NRG1: variants seen among roughly 807,000 people sequenced by gnomAD.
NRG1 encodes pro-neuregulin-1, membrane-bound isoform.
In NRG1, 18 loss-of-function variants were observed where a neutral mutation model predicts 63.8. The observed-to-expected ratio is 0.28, with a 90% CI of 0.19 to 0.42. NRG1 has a LOEUF of 0.42. Ranked by LOEUF, NRG1 falls within the 10% of genes least tolerant of loss-of-function variation. NRG1 has a pLI of 1.00. For synonymous variants in NRG1, 302 were observed against 301.3 expected, an observed-to-expected ratio of 1.00 and a Z score of -0.02; for missense variants, 762 against 814.7, an observed-to-expected ratio of 0.94 and a Z score of 0.79.
chr8:32,096,304 AC>A (rs1829896341), intron 1 of NRG1, among the ~76,000 whole-genome samples: 1 of 152,324 alleles, frequency 6.6e-6, no homozygotes, highest in South Asian at 2.1e-4. Flanking sequence ...TTTCGTTGAT[AC>A]ATAATAACTA....
chr8:32,439,506 T>A (rs967778033), intron 1 of NRG1, among the ~76,000 whole-genome samples: 1 of 152,140 alleles, frequency 6.6e-6, no homozygotes, highest in Admixed American at 6.6e-5. Flanking sequence ...AACTTGTATG[T>A]CCCTTCACAA....
At chr8:32,182,680 T>C (rs917873892) in intron 1 of NRG1, among the ~76,000 whole-genome samples, 2 of 152,174 alleles carry the variant, frequency 1.3e-5, no homozygotes, top group African/African-American at 2.4e-5. Flanking sequence ...TATTTTGTCT[T>C]GGGAAAAGGC....
intron 1 of NRG1, among the ~76,000 whole-genome samples, chr8:31,966,106 T>TAA (rs202002962): frequency 1.0e-3 from 151 of 144,170 alleles, no homozygotes; most frequent in Non-Finnish European, 1.7e-3. Flanking sequence ...TCCCTGAAAC[T>TAA]AAAAAAAAAA....
rs530576259 is a variant in NRG1, at chr8:32,760,623, G to A, written c.1259+217G>A. 6.6e-6 allele frequency: 9 copies of A among 1,357,348 alleles called. No homozygotes were observed. The East Asian group carries it at 2.4e-4, about 36-fold the overall frequency. The allele number at this position is 1,357,348 out of a possible 1,614,324, so 84.1% of individuals were successfully genotyped here. ...TCGTCCCAGTGACTGACAGGCAACAGACTCTTAAAGAGCTGGGATGCTTTG... is the reference window on the plus strand; with the variant it reads ...TCGTCCCAGTGACTGACAGGCAACAAACTCTTAAAGAGCTGGGATGCTTTG... On this transcript the variant is annotated intron_variant, in intron 11 of 11. Transcript: ENST00000356819.
intron 1 of NRG1, among the ~76,000 whole-genome samples, chr8:32,298,714 C>CAAAAAA (rs760147959): frequency 2.2e-5 from 2 of 90,918 alleles, no homozygotes; most frequent in Non-Finnish European, 4.3e-5. Flanking sequence ...AACTCAGTCT[C>CAAAAAA]AAAAAAAAAA....
At chr8:32,376,067 T>C (rs1809583892) in intron 1 of NRG1, among the ~76,000 whole-genome samples, 1 of 152,226 alleles carries the variant, frequency 6.6e-6, no homozygotes, top group Admixed American at 6.5e-5. Flanking sequence ...CATATTTCAA[T>C]ATCTTATTTC....
chr8:32,623,776 G>A (rs1338984275), intron 5 of NRG1, among the ~76,000 whole-genome samples: 1 of 152,264 alleles, frequency 6.6e-6, no homozygotes, highest in Non-Finnish European at 1.5e-5. Context: ...CTGCTTGCGA[G>A]TATAATTTAT....
intron 1 of NRG1, among the ~76,000 whole-genome samples, chr8:32,581,334 A>G (rs548576726): frequency 7.0e-4 from 107 of 152,372 alleles, no homozygotes; most frequent in African/African-American, 2.5e-3. Context: ...GGAACAGACC[A>G]TATCATGGGC....
intron 1 of NRG1, among the ~76,000 whole-genome samples, chr8:32,512,504 G>T (rs1352694365): frequency 6.6e-6 from 1 of 152,130 alleles, no homozygotes; most frequent in Admixed American, 6.5e-5. Context: ...AGCTAGCATT[G>T]ATTGAGCAAT....
intron 5 of NRG1, among the ~76,000 whole-genome samples, chr8:32,643,863 A>T (rs1260386654): frequency 1.3e-5 from 2 of 148,276 alleles, no homozygotes; most frequent in Non-Finnish European, 1.5e-5. Context: ...ATATTAAGGT[A>T]ATAATTCCTA....
At chr8:32,422,243 T>C (rs1205327007) in intron 1 of NRG1, among the ~76,000 whole-genome samples, 2 of 152,190 alleles carry the variant, frequency 1.3e-5, no homozygotes, top group Non-Finnish European at 2.9e-5. Flanking sequence ...GTTTTGCTAA[T>C]ATGATCATAT....
At chr8:32,040,122 A>C (rs1586665028) in intron 1 of NRG1, among the ~76,000 whole-genome samples, 1 of 152,192 alleles carries the variant, frequency 6.6e-6, no homozygotes, top group East Asian at 1.9e-4. Flanking sequence ...CAGAGTTCAC[A>C]ATAAAGGGAT....
At chr8:31,798,372 G>C (rs574155487) in intron 1 of NRG1, among the ~76,000 whole-genome samples, 30 of 152,122 alleles carry the variant, frequency 2.0e-4, no homozygotes, top group Non-Finnish European at 3.5e-4. Flanking sequence ...AGAGGGAAAA[G>C]TTTCAAAACA....
intron 1 of NRG1, among the ~76,000 whole-genome samples, chr8:31,893,830 CATTG>C (rs1334581788): frequency 1.3e-5 from 2 of 151,898 alleles, no homozygotes; most frequent in Non-Finnish European, 2.9e-5. Flanking sequence ...CTTTTTGTAG[CATTG>C]ATTAACTTTA....
intron 1 of NRG1, among the ~76,000 whole-genome samples, chr8:32,169,049 T>C (rs1839709325): frequency 6.6e-6 from 1 of 152,180 alleles, no homozygotes; most frequent in South Asian, 2.1e-4. Context: ...CTGTGGCCAA[T>C]GCTGATGTCA....
intron 5 of NRG1, among the ~76,000 whole-genome samples, chr8:32,661,063 G>A (rs898439032): frequency 2.0e-5 from 3 of 152,204 alleles, no homozygotes; most frequent in Non-Finnish European, 2.9e-5. Context: ...GGATTTAGGA[G>A]AACAGAAAAG....
intron 1 of NRG1, among the ~76,000 whole-genome samples, chr8:31,939,672 G>T (rs1044144485): frequency 6.6e-6 from 1 of 152,028 alleles, no homozygotes; most frequent in Admixed American, 6.6e-5. Context: ...TGTTTTTCAG[G>T]AGACTCATCT....
intron 1 of NRG1, among the ~76,000 whole-genome samples, chr8:32,318,252 CTT>C (rs1235969701): frequency 6.6e-6 from 1 of 152,140 alleles, no homozygotes; most frequent in Non-Finnish European, 1.5e-5. Context: ...TAAGAGAAGA[CTT>C]TTGACAAGTT....
intron 1 of NRG1, among the ~76,000 whole-genome samples, chr8:32,573,659 A>G (rs1356132063): frequency 6.6e-6 from 1 of 151,696 alleles, no homozygotes; most frequent in African/African-American, 2.4e-5. Flanking sequence ...TTTTTATTTT[A>G]TTATTATTAT....
Sources: gnomAD v4.1 joint callset for allele counts (sites outside exome capture counted in the v4.1 genomes callset) on GRCh38, gnomAD v4.1.1 for gene constraint, MANE v1.5 for transcripts, NCBI Gene and HGNC (gene_info 2026-07-23, HGNC 2026-07-21) for gene names.